PDE1A: variants seen among roughly 807,000 people sequenced by gnomAD.
PDE1A encodes dual specificity calcium/calmodulin-dependent 3',5'-cyclic nucleotide phosphodiesterase 1A.
Under a neutral mutation model 61.7 loss-of-function variants are expected in PDE1A, and 35 were observed. The observed-to-expected ratio is 0.57, with a 90% CI of 0.43 to 0.75. PDE1A has a LOEUF of 0.75. PDE1A is among the 30% of genes least tolerant of loss of function. The pLI is 0.00. For missense variants in PDE1A, 597 were observed against 630.6 expected, an observed-to-expected ratio of 0.95 and a Z score of 0.57; for synonymous variants, 232 against 213.2, an observed-to-expected ratio of 1.09 and a Z score of -0.77.
the PDE1A span, among the ~76,000 whole-genome samples, chr2:182,653,797 G>A: frequency 6.6e-6 from 1 of 152,116 alleles, no homozygotes; most frequent in Non-Finnish European, 1.5e-5. Flanking sequence ...TCAGATACGA[G>A]TCTTAACCTC....
the PDE1A span, among the ~76,000 whole-genome samples, chr2:182,680,526 G>C: frequency 6.6e-6 from 1 of 152,082 alleles, no homozygotes; most frequent in Admixed American, 6.6e-5. Context: ...AAATAGTTAA[G>C]AAATACATAG....
At chr2:182,178,980 C>T (rs1684521371) in intron 13 of PDE1A, among the ~76,000 whole-genome samples, 1 of 152,130 alleles carries the variant, frequency 6.6e-6, no homozygotes, top group East Asian at 1.9e-4. Flanking sequence ...ATTAATACCA[C>T]AACATTAGTC....
chr2:182,587,446 T>C, the PDE1A span, among the ~76,000 whole-genome samples: 1 of 152,198 alleles, frequency 6.6e-6, no homozygotes, highest in Admixed American at 6.5e-5. Context: ...GGTCTAACCA[T>C]AAAAGAATGA....
At chr2:182,613,879 G>A in the PDE1A span, among the ~76,000 whole-genome samples, 2 of 152,170 alleles carry the variant, frequency 1.3e-5, no homozygotes, top group Admixed American at 1.3e-4. Context: ...AGTGCAAACA[G>A]GGTCAATATT....
intron 1 of PDE1A, among the ~76,000 whole-genome samples, chr2:182,317,010 C>A (rs1050708230): frequency 6.6e-6 from 1 of 152,102 alleles, no homozygotes; most frequent in African/African-American, 2.4e-5. Context: ...GTTTAAAAGG[C>A]TTGTGTTTTG....
the PDE1A span, among the ~76,000 whole-genome samples, chr2:182,669,857 A>G: frequency 1.3e-5 from 2 of 152,200 alleles, no homozygotes; most frequent in Non-Finnish European, 2.9e-5. Context: ...GAGCTAAGGA[A>G]TCCGGGAGTG....
intron 4 of PDE1A, among the ~76,000 whole-genome samples, chr2:182,234,230 T>G (rs1045278304): frequency 9.8e-5 from 15 of 152,288 alleles, no homozygotes; most frequent in African/African-American, 3.1e-4. Flanking sequence ...GTTGATATAG[T>G]TTGTGTAAAT....
chr2:182,177,368 G>A (rs574530488), intron 13 of PDE1A, among the ~76,000 whole-genome samples: 2,670 of 151,926 alleles, frequency 0.018, 35 homozygotes, highest in Non-Finnish European at 0.024. Flanking sequence ...TTCAGATCCT[G>A]TTATTGGTCT....
At chr2:182,534,430 C>T in the PDE1A span, among the ~76,000 whole-genome samples, 8 of 151,778 alleles carry the variant, frequency 5.3e-5, no homozygotes, top group African/African-American at 1.9e-4. Context: ...AATTTATTTC[C>T]TAATCTGCAA....
chr2:182,618,046 T>C, the PDE1A span, among the ~76,000 whole-genome samples: 1 of 152,354 alleles, frequency 6.6e-6, no homozygotes, highest in East Asian at 1.9e-4. Flanking sequence ...CATCCTGTTT[T>C]CTTTCTCATT....
the PDE1A span, among the ~76,000 whole-genome samples, chr2:182,627,113 AATAAT>A: frequency 2.1e-5 from 1 of 47,194 alleles, no homozygotes; most frequent in Non-Finnish European, 4.1e-5. Flanking sequence ...ATAAAATATA[AATAAT>A]ATATTATGTA....
chr2:182,651,284 G>A, the PDE1A span, among the ~76,000 whole-genome samples: 5 of 152,168 alleles, frequency 3.3e-5, no homozygotes. Context: ...TAGGATTACA[G>A]GTATGAGCCA....
chr2:182,147,665 G>A (rs1471975988), intron 13 of PDE1A, among the ~76,000 whole-genome samples: 1 of 152,048 alleles, frequency 6.6e-6, no homozygotes, highest in Non-Finnish European at 1.5e-5. Context: ...ATATTAGCAT[G>A]GAAAAATCTT....
the PDE1A span, among the ~76,000 whole-genome samples, chr2:182,558,969 T>C: frequency 1.3e-5 from 2 of 152,176 alleles, no homozygotes; most frequent in Non-Finnish European, 2.9e-5. Context: ...TATTCTTTGA[T>C]CATCGCTAAT....
intron 1 of PDE1A, among the ~76,000 whole-genome samples, chr2:182,412,794 A>G (rs1451539010): frequency 6.6e-6 from 1 of 152,224 alleles, no homozygotes; most frequent in Non-Finnish European, 1.5e-5. Flanking sequence ...ACAGGGTCTT[A>G]GCCATCAAGT....
At chr2:182,490,546 T>C (rs1009175793) in intron 2 of PDE1A, among the ~76,000 whole-genome samples, 9 of 152,146 alleles carry the variant, frequency 5.9e-5, no homozygotes, top group Non-Finnish European at 1.0e-4. Context: ...ATTTTGTTTT[T>C]GTATTTTTAG....
the PDE1A span, among the ~76,000 whole-genome samples, chr2:182,636,277 T>C: frequency 4.6e-5 from 7 of 152,238 alleles, no homozygotes; most frequent in African/African-American, 1.7e-4. Context: ...TTTTTTAGGC[T>C]TAAAGTAATT....
At chr2:182,494,891 T>A (rs936193715) in intron 2 of PDE1A, among the ~76,000 whole-genome samples, 1 of 152,198 alleles carries the variant, frequency 6.6e-6, no homozygotes, top group Non-Finnish European at 1.5e-5. Flanking sequence ...ATTTGTCTCT[T>A]GTGAGATTCC....
the PDE1A span, among the ~76,000 whole-genome samples, chr2:182,573,839 A>G: frequency 6.9e-6 from 1 of 145,534 alleles, no homozygotes; most frequent in Admixed American, 6.9e-5. Flanking sequence ...ACAGAATAGG[A>G]TATATATATT....
Sources: gnomAD v4.1 joint callset for allele counts (sites outside exome capture counted in the v4.1 genomes callset) on GRCh38, gnomAD v4.1.1 for gene constraint, MANE v1.5 for transcripts, NCBI Gene and HGNC (gene_info 2026-07-23, HGNC 2026-07-21) for gene names.